The following ABCG2 variants were observed in gnomAD, a reference collection of about 807,000 sequenced individuals.
The protein encoded by ABCG2 is broad substrate specificity ATP-binding cassette transporter ABCG2.
In ABCG2, 80 loss-of-function variants were observed where a neutral mutation model predicts 73.5. The ratio of observed to expected loss-of-function variants is 1.09; its 90% CI spans 0.91 to 1.31. ABCG2 has a LOEUF of 1.31. ABCG2 is among the 50% of genes most tolerant of loss of function. ABCG2 has a pLI of 0.00. For missense variants in ABCG2, 796 were observed against 786.2 expected (o/e 1.01, Z -0.15); for synonymous variants, 269 against 282.4 (o/e 0.95, Z 0.48).
chr4:88,194,059 TA>T (rs1240387195), intron 1 of ABCG2, among the ~76,000 whole-genome samples: 1 of 152,126 alleles, frequency 6.6e-6, no homozygotes, highest in South Asian at 2.1e-4. Context: ...GTTTGAATTT[TA>T]AAAAAACATT....
intron 15 of ABCG2, among the ~76,000 whole-genome samples, chr4:88,093,634 T>C (rs72554046): frequency 0.013 from 2,033 of 152,204 alleles, 35 homozygotes; most frequent in African/African-American, 0.046. Context: ...CACTTCATCC[T>C]GACCACCCTG....
chr4:88,159,220 TG>T (rs1433026292), upstream of ABCG2: 1 of 456,072 alleles, frequency 2.2e-6, no homozygotes, highest in Non-Finnish European at 4.4e-6. Flanking sequence ...CTGACCTAGC[TG>T]GGTTTGGTCG....
chr4:88,165,542 AC>A (rs1411932447), intron 1 of ABCG2, among the ~76,000 whole-genome samples: 2 of 152,120 alleles, frequency 1.3e-5, no homozygotes, highest in Non-Finnish European at 2.9e-5. Flanking sequence ...CAATAGGCCC[AC>A]TGGGTAAGCC....
chr4:88,168,559 TG>T (rs1727631635), intron 1 of ABCG2, among the ~76,000 whole-genome samples: 3 of 147,944 alleles, frequency 2.0e-5, no homozygotes, highest in African/African-American at 7.4e-5. Flanking sequence ...TAGACTGCAG[TG>T]AAAAAAAAAA....
At chr4:88,117,779 C>T (rs1282179865) in intron 7 of ABCG2, among the ~76,000 whole-genome samples, 1 of 152,176 alleles carries the variant, frequency 6.6e-6, no homozygotes, top group Non-Finnish European at 1.5e-5. Context: ...CAAAAATGTT[C>T]AAGTGACAGA....
chr4:88,114,899 G>A, intron 8 of ABCG2, 58 bp downstream of exon 8: 4 of 1,195,136 alleles, frequency 3.3e-6, no homozygotes, highest in Non-Finnish European at 4.9e-6. Flanking sequence ...CCACCACATT[G>A]CTAAACTTCA....
At position 88,118,432 on chromosome 4, in the gene ABCG2, T is replaced by C. The variant is rs2231145; in HGVS notation, c.690-172A>G. Reference sequence around the variant, plus strand: ...TAGTTAGCAAACCTAAATTCAATGCTTTTATTAAAACAGAATAGGAATTTT... The same window carrying C: ...TAGTTAGCAAACCTAAATTCAATGCCTTTATTAAAACAGAATAGGAATTTT... On this transcript the variant is annotated intron_variant, in intron 6 of 15. Coordinates refer to ENST00000237612, the MANE Select transcript of ABCG2 (RefSeq NM_004827.3). Among the ~76,000 whole-genome samples, 3,383 of 152,366 alleles carry C rather than the reference T, an allele frequency of 0.022. 179 individuals carry two copies. Among genetic ancestry groups the C allele is most frequent in the East Asian group, 0.21 (1,085 of 5,188 alleles).
chr4:88,221,445 T>C (rs1318235153), intron 1 of ABCG2, among the ~76,000 whole-genome samples: 1 of 151,746 alleles, frequency 6.6e-6, no homozygotes, highest in Non-Finnish European at 1.5e-5. Flanking sequence ...ACTGGAACAG[T>C]TTGGAGGGCT....
intron 1 of ABCG2, among the ~76,000 whole-genome samples, chr4:88,178,432 A>G (rs1233091403): frequency 2.0e-5 from 3 of 152,144 alleles, no homozygotes. Context: ...TACTTGTTGT[A>G]GGCACGGGGT....
rs1197392979 is a variant in ABCG2 at position 88,101,335 on chromosome 4, G to A, written c.1278-16C>T. 1.2e-6 allele frequency: 2 copies of A among 1,609,466 alleles called. No homozygotes were observed. The highest frequency in any genetic ancestry group is 1.7e-6 in the Non-Finnish European group (2 of 1,175,914). Reference sequence around the variant, plus strand: ...AACCCCAGCTCTGCCATGAAAAGGGGAACCAAATCACCGCAGTCAACTCAG... The same window carrying A: ...AACCCCAGCTCTGCCATGAAAAGGGAAACCAAATCACCGCAGTCAACTCAG... On this transcript the variant is annotated splice_polypyrimidine_tract_variant and intron_variant, in intron 10 of 15. Transcript: ENST00000237612.
At chr4:88,147,041 G>GAAAGAAAGAAAGAAAGAAAGAA (rs1726088245) in intron 1 of ABCG2, among the ~76,000 whole-genome samples, 1 of 138,164 alleles carries the variant, frequency 7.2e-6, no homozygotes, top group Non-Finnish European at 1.6e-5. Context: ...AAGAAAGAAA[G>GAAAGAAAGAAAGAAAGAAAGAA]AAAGAAAAGA....
chr4:88,188,974 C>T (rs751004916), intron 1 of ABCG2, among the ~76,000 whole-genome samples: 1 of 151,894 alleles, frequency 6.6e-6, no homozygotes, highest in Non-Finnish European at 1.5e-5. Flanking sequence ...GATTGCGCCA[C>T]TGGACTCCAG....
chr4:88,131,883 T>C lies in ABCG2; in HGVS notation c.298A>G (p.Ser100Gly), dbSNP rs551022147. The change falls in exon 4 of 16, where the codon AGT (serine) becomes GGT (glycine). Residue 100 changes from serine to glycine, a missense_variant. Ser to Gly is a moderately conservative substitution (Grantham distance 56). Transcript: ENST00000237612. The stretch of plus-strand genomic sequence containing the variant: ...ATCAGAACATCTCCAGATAATCCAC[T>C]TGGATCTTTCCTTGCAGCTAAGACA... ...LDVLAARKDP[S>G]GLSGDVLING... 1.9e-6 allele frequency: 3 copies of C among 1,614,008 alleles called. No individual in the cohort carries two copies. The highest frequency in any genetic ancestry group is 1.3e-5 in the African/African-American group (1 of 75,044).
chr4:88,128,222 A>T (rs1419124543), intron 5 of ABCG2, among the ~76,000 whole-genome samples: 1 of 152,234 alleles, frequency 6.6e-6, no homozygotes, highest in African/African-American at 2.4e-5. Flanking sequence ...CCACAATAAG[A>T]TACCATCTCA....
intron 9 of ABCG2, among the ~76,000 whole-genome samples, chr4:88,108,567 A>G: frequency 6.6e-6 from 1 of 152,292 alleles, no homozygotes; most frequent in Middle Eastern, 3.4e-3. Flanking sequence ...ATAAAAAAAT[A>G]AGAAATGGTA....
chr4:88,118,017 C>A, intron 7 of ABCG2, 92 bp downstream of exon 7: 1 of 1,302,892 alleles, frequency 7.7e-7, no homozygotes, highest in Non-Finnish European at 1.0e-6. Flanking sequence ...TATGTCTACC[C>A]AAAGACCAAA....
At chr4:88,121,477 G>A (rs981301389) in intron 6 of ABCG2, among the ~76,000 whole-genome samples, 158 bp downstream of exon 6, 1 of 152,146 alleles carries the variant, frequency 6.6e-6, no homozygotes, top group Non-Finnish European at 1.5e-5. Flanking sequence ...TACCTGCTTT[G>A]TTTTTCTTGA....
At chr4:88,175,212 T>G (rs1216873137) in intron 1 of ABCG2, among the ~76,000 whole-genome samples, 1 of 152,234 alleles carries the variant, frequency 6.6e-6, no homozygotes, top group Non-Finnish European at 1.5e-5. Context: ...CACATCCTTT[T>G]GCCTTCCATT....
intron 1 of ABCG2, among the ~76,000 whole-genome samples, chr4:88,150,093 T>C (rs1273308779): frequency 6.6e-6 from 1 of 152,096 alleles, no homozygotes; most frequent in African/African-American, 2.4e-5. Flanking sequence ...GGTGGGTGGA[T>C]TGCTTGAGGC....
Sources: allele counts gnomAD v4.1 joint callset (sites outside exome capture counted in the v4.1 genomes callset), GRCh38; gene constraint gnomAD v4.1.1; transcripts MANE v1.5; gene names NCBI Gene and HGNC (gene_info 2026-07-23, HGNC 2026-07-21).